The following DNAAF1 variants were observed in gnomAD, a reference collection of about 807,000 sequenced individuals.
DNAAF1 encodes the protein dynein assembly factor 1, axonemal.
In DNAAF1, 65 loss-of-function variants were observed where a neutral mutation model predicts 71.1. That is an observed-to-expected ratio of 0.91 (90% CI 0.75 to 1.12). The LOEUF (loss-of-function observed/expected upper bound fraction) is 1.12. DNAAF1 is among the 50% of genes most tolerant of loss of function. DNAAF1 has a pLI of 0.00. For missense variants in DNAAF1, 1,178 were observed against 899.8 expected (o/e 1.31, Z -3.96); for synonymous variants, 414 against 354.6 (o/e 1.17, Z -1.88).
rs186642605 is a variant in DNAAF1 at position 84,175,028 on chromosome 16, G to T, written c.1698+306G>T. 5.8e-3 allele frequency among the ~76,000 whole-genome samples: 876 copies of T among 152,004 alleles called. 4 individuals carry two copies. Among genetic ancestry groups the T allele is most frequent in the Non-Finnish European group, 8.3e-3 (563 of 67,946 alleles). ...GAGCCACCACGCCCAGCTAATTTTT[G>T]TATTTTTAGTAGAGATGGGGTTTCT... On this transcript the variant is annotated intron_variant, in intron 10 of 11. Transcript: ENST00000378553.
intron 6 of DNAAF1, among the ~76,000 whole-genome samples, chr16:84,164,112 T>C (rs2087851202): frequency 6.6e-6 from 1 of 152,216 alleles, no homozygotes; most frequent in Non-Finnish European, 1.5e-5. Context: ...GCCTAGACTT[T>C]ATTTTCAGAG....
In DNAAF1 at chr16:84,170,166, C is replaced by T; in HGVS notation, c.1338C>T (p.Ala446=). Residue 446 remains alanine (A), a synonymous_variant, in exon 8 of 12, where the codon GCC becomes GCT. Coordinates refer to ENST00000378553, the MANE Select transcript of DNAAF1 (RefSeq NM_178452.6). ...CAGAGGGGACCCTCCCAGCTGAGGC[C>T]CCACCACCCCCGCCACCTGTGGAGG... ...GEPEGTLPAE[A]PPPPPPVEVK... 6.2e-7 allele frequency: 1 copy of T among 1,603,070 alleles called. No individual in the cohort carries two copies. The highest frequency in any genetic ancestry group is 2.2e-5 in the East Asian group (1 of 44,714).
intron 7 of DNAAF1, among the ~76,000 whole-genome samples, chr16:84,169,136 A>G (rs1346092777): frequency 1.4e-5 from 2 of 138,122 alleles, no homozygotes; most frequent in Non-Finnish European, 1.5e-5. Flanking sequence ...CCAGACTACA[A>G]TGCGGTGACT....
intron 9 of DNAAF1, chr16:84,173,174 A>C: frequency 1.0e-6 from 1 of 985,650 alleles, no homozygotes; most frequent in Non-Finnish European, 1.2e-6. Flanking sequence ...GTAGGAGTTA[A>C]AGTGATCGGC....
intron 5 of DNAAF1, among the ~76,000 whole-genome samples, chr16:84,158,078 A>G (rs1217304392): frequency 2.0e-5 from 3 of 151,850 alleles, no homozygotes; most frequent in Non-Finnish European, 4.4e-5. Context: ...GGTGGCATGC[A>G]CCTGTAGTCC....
chr16:84,153,139 A>G (rs2087259992), intron 3 of DNAAF1, among the ~76,000 whole-genome samples: 1 of 152,046 alleles, frequency 6.6e-6, no homozygotes, highest in Admixed American at 6.6e-5. Flanking sequence ...TGTTGTGGCT[A>G]TCTTAAAGAA....
chr16:84,160,798 G>A (rs1259669634), intron 6 of DNAAF1, among the ~76,000 whole-genome samples: 2 of 150,760 alleles, frequency 1.3e-5, no homozygotes, highest in Admixed American at 6.6e-5. Flanking sequence ...AGCCGGGCGT[G>A]GTGGTGGGCG....
chr16:84,152,866 A>G (rs1321648820), intron 3 of DNAAF1, among the ~76,000 whole-genome samples: 1 of 151,922 alleles, frequency 6.6e-6, no homozygotes, highest in Non-Finnish European at 1.5e-5. Context: ...CTGAGACAGG[A>G]GAATCACTTG....
chr16:84,157,223 T>C (rs533986891), intron 5 of DNAAF1, among the ~76,000 whole-genome samples: 1 of 152,096 alleles, frequency 6.6e-6, no homozygotes, highest in African/African-American at 2.4e-5. Flanking sequence ...ATTTTTCATG[T>C]TCAAATTTTC....
intron 3 of DNAAF1, among the ~76,000 whole-genome samples, chr16:84,152,422 G>A (rs1187055094): frequency 1.3e-5 from 2 of 152,114 alleles, no homozygotes; most frequent in African/African-American, 4.8e-5. Flanking sequence ...GGAGGCCAAG[G>A]CAGGCAGATC....
At chr16:84,162,929 C>T (rs1292589078) in intron 6 of DNAAF1, among the ~76,000 whole-genome samples, 2 of 152,164 alleles carry the variant, frequency 1.3e-5, no homozygotes, top group African/African-American at 2.4e-5. Context: ...TTGATTTGCT[C>T]GTTCTGGACA....
At chr16:84,145,689 A>G (rs2086866065) in intron 1 of DNAAF1, 125 bp downstream of exon 1, 2 of 1,268,774 alleles carry the variant, frequency 1.6e-6, no homozygotes, top group Non-Finnish European at 1.1e-6. Context: ...TAATGGTAGC[A>G]AGCAACGCTC....
chr16:84,165,523 C>G (rs992999932), intron 6 of DNAAF1, among the ~76,000 whole-genome samples: 7 of 152,050 alleles, frequency 4.6e-5, no homozygotes, highest in African/African-American at 1.7e-4. Flanking sequence ...GTATACTTTG[C>G]ATGACAAAAA....
rs185475699 is a variant in DNAAF1 at position 84,173,421 on chromosome 16, G to A, written c.1644+1046G>A. ...GGAGCTTGCAGTGAGCCGAGATCACGCCACTGCACTCCAACCTGGGCGACA... is the reference window on the plus strand; with the variant it reads ...GGAGCTTGCAGTGAGCCGAGATCACACCACTGCACTCCAACCTGGGCGACA... On this transcript the variant is annotated intron_variant, in intron 9 of 11. Coordinates refer to ENST00000378553, the MANE Select transcript of DNAAF1 (RefSeq NM_178452.6). The A allele has an allele frequency of 4.1e-5, 36 of 881,592 alleles. 1 individual carries two copies. The African/African-American group carries it at 4.2e-4, about 10-fold the overall frequency. The allele number at this position is 881,592 out of a possible 1,614,324, so 54.6% of individuals were successfully genotyped here.
Position 84,174,715 on chromosome 16 carries a change from A to G in DNAAF1, c.1691A>G (p.Glu564Gly). The G allele has an allele frequency of 1.2e-6, 2 of 1,614,222 alleles. No homozygotes were observed. The highest frequency in any genetic ancestry group is 4.5e-5 in the East Asian group (2 of 44,894). Residue 564 changes from glutamate to glycine, a missense_variant, in exon 10 of 12, where the codon GAA (glutamate) becomes GGA (glycine). Coordinates refer to ENST00000378553, the MANE Select transcript of DNAAF1 (RefSeq NM_178452.6). ...EDDDETGKSL[E>G]DQNMCFPKIE... is the part of the protein sequence containing the mutation. ...GATGATGAAACAGGCAAATCTCTGGAAGACCAGGTTAAGGTCATTAGAAAC... is the reference window on the plus strand; with the variant it reads ...GATGATGAAACAGGCAAATCTCTGGGAGACCAGGTTAAGGTCATTAGAAAC...
chr16:84,166,209 T>A lies in DNAAF1; in HGVS notation c.1030+260T>A, dbSNP rs117188437. Among the ~76,000 whole-genome samples, 9,989 of 151,916 alleles carry A rather than the reference T, an allele frequency of 0.066. 433 individuals are homozygous for A. The highest frequency in any genetic ancestry group is 0.2 in the South Asian group (957 of 4,806). On this transcript the variant is annotated intron_variant, in intron 7 of 11. Coordinates refer to ENST00000378553, the MANE Select transcript of DNAAF1 (RefSeq NM_178452.6). ...CTGGGATTATGGGCACGTACCACCA[T>A]GCCTGGCTAGTTTTTGTATTTTTAG...
At chr16:84,170,889 CTATT>C (rs2088297300) in intron 8 of DNAAF1, among the ~76,000 whole-genome samples, 1 of 151,974 alleles carries the variant, frequency 6.6e-6, no homozygotes, top group African/African-American at 2.4e-5. Flanking sequence ...AACAGTAAAA[CTATT>C]AATGACATGT....
At chr16:84,162,046 C>G (rs2087739108) in intron 6 of DNAAF1, 1 of 152,190 alleles carries the variant, frequency 6.6e-6, no homozygotes, top group Non-Finnish European at 1.5e-5. Flanking sequence ...CTGAGGATTT[C>G]TTACTGTGTG....
chr16:84,163,660 T>C (rs1370654318), intron 6 of DNAAF1, among the ~76,000 whole-genome samples: 1 of 152,176 alleles, frequency 6.6e-6, no homozygotes, highest in Non-Finnish European at 1.5e-5. Flanking sequence ...ATTACAGGTG[T>C]GAGCCACCGC....
Sources: gnomAD v4.1 joint callset for allele counts (sites outside exome capture counted in the v4.1 genomes callset) on GRCh38, gnomAD v4.1.1 for gene constraint, MANE v1.5 for transcripts, NCBI Gene and HGNC (gene_info 2026-07-23, HGNC 2026-07-21) for gene names.